The following ZNF671 variants were observed in gnomAD, a reference collection of about 807,000 sequenced individuals.
ZNF671 encodes zinc finger protein 671, also known as hypothetical protein FLJ23506.
ZNF671 carries 19 observed loss-of-function variants against 16.6 expected under a neutral mutation model. That is an observed-to-expected ratio of 1.14 (90% CI 0.80 to 1.68). ZNF671 has a LOEUF of 1.68. ZNF671 is among the 40% of genes most tolerant of loss of function. The pLI, the probability that ZNF671 is intolerant of heterozygous loss-of-function variation, is 0.00. For missense variants in ZNF671, 637 were observed against 659.8 expected (o/e 0.97, Z 0.38); for synonymous variants, 238 against 236.3 (o/e 1.01, Z -0.06).
At chr19:57,723,156 C>T (rs927963018) in intron 2 of ZNF671, 58 bp downstream of exon 2, 18 of 1,538,494 alleles carry the variant, frequency 1.2e-5, no homozygotes, top group East Asian at 2.3e-5. Context: ...AAGCGGTGCT[C>T]ATGATCCCAC....
intron 1 of ZNF671, among the ~76,000 whole-genome samples, chr19:57,723,813 G>A (rs576661166): frequency 1.4e-5 from 2 of 145,142 alleles, no homozygotes; most frequent in South Asian, 2.3e-4. Context: ...GGCAGATCAC[G>A]AGGTCAAGAG....
rs1190874940 is a variant in ZNF671 at position 57,727,397 on chromosome 19, G to A, written c.132C>T (p.Ser44=). The A allele has an allele frequency of 1.2e-6, 2 of 1,600,276 alleles. No homozygotes were observed. The highest frequency in any genetic ancestry group is 1.7e-6 in the Non-Finnish European group (2 of 1,170,400). The change falls in exon 1 of 4, where the codon TCC becomes TCT. Residue 44 remains serine (S), a synonymous_variant. Transcript: ENST00000317398. ...CGGAGGACGCAGCACCCACCCGCGC[G>A]GAGTCCGTTAGCTCCGCCATAGGAC... The part of the protein sequence containing the change: ...AHGPMAELTD[S]ARGCVVFEDV...
intron 1 of ZNF671, among the ~76,000 whole-genome samples, 195 bp from the exon 2 acceptor site, chr19:57,723,535 C>A (rs2122462836): frequency 6.6e-6 from 1 of 152,256 alleles, no homozygotes; most frequent in South Asian, 2.1e-4. Context: ...AACAGACAGG[C>A]TGACAGATAA....
Position 57,720,601 on chromosome 19 carries a change from G to A in ZNF671, c.1485C>T (p.Ile495=). The change falls in exon 4 of 4, where the codon ATC becomes ATT. Residue 495 remains isoleucine, a synonymous_variant. Transcript: ENST00000317398. ...GKAFTQRPNL[I]RHWKVHTGER... is the part of the protein sequence containing the mutation. ...CCCCAGTGTGGACTTTCCAGTGCCT[G>A]ATGAGGTTGGGTCTTTGAGTGAAGG... is the stretch of plus-strand genomic sequence containing the variant. The A allele has an allele frequency of 6.2e-7, 1 of 1,614,082 alleles. No individual in the cohort carries two copies. Among genetic ancestry groups the A allele is most frequent in the Non-Finnish European group, 8.5e-7 (1 of 1,180,012 alleles).
intron 1 of ZNF671, among the ~76,000 whole-genome samples, chr19:57,723,712 C>T (rs1324028798): frequency 6.6e-6 from 1 of 151,986 alleles, no homozygotes; most frequent in Non-Finnish European, 1.5e-5. Context: ...TCCCTCACAT[C>T]TCCAGCTTCC....
chr19:57,723,321 T>C lies in ZNF671; in HGVS notation c.158A>G (p.Asp53Gly), dbSNP rs2122462311. 1.9e-6 allele frequency: 3 copies of C among 1,611,912 alleles called. No individual in the cohort carries two copies. The highest frequency in any genetic ancestry group is 1.7e-4 in the Middle Eastern group (1 of 6,052). The change falls in exon 2 of 4, where the codon GAT (aspartate) becomes GGT (glycine). Residue 53 changes from aspartate to glycine, a missense_variant. Coordinates refer to ENST00000317398, the MANE Select transcript of ZNF671 (RefSeq NM_024833.3). ...TTCCCGAGAGAAGTATACAAACACA[T>C]CCTCAAAGACCACACAGCCCTGCAA... is the stretch of plus-strand genomic sequence containing the variant. The part of the protein sequence containing the change: ...DSARGCVVFE[D>G]VFVYFSREEW...
rs778042189 is a variant in ZNF671 at position 57,720,764 on chromosome 19, T to C, written c.1322A>G (p.Asn441Ser). ...GKAFSQSSHLNVHWRIHSSDY... is the reference protein window; with the variant it reads ...GKAFSQSSHLSVHWRIHSSDY... ...ACTGCTGTGAATTCTCCAGTGTACA[T>C]TAAGGTGGGAGCTTTGGCTAAAGGC... Residue 441 changes from asparagine to serine, a missense_variant, in exon 4 of 4, where the codon AAT (asparagine) becomes AGT (serine). Physicochemically the swap from Asn to Ser is conservative, Grantham distance 46. Transcript: ENST00000317398. 1.2e-6 allele frequency: 2 copies of C among 1,614,210 alleles called. No individual in the cohort carries two copies. Among genetic ancestry groups the C allele is most frequent in the Non-Finnish European group, 1.7e-6 (2 of 1,180,040 alleles).
At chr19:57,725,920 C>T (rs1027594879) in intron 1 of ZNF671, among the ~76,000 whole-genome samples, 32 of 151,360 alleles carry the variant, frequency 2.1e-4, no homozygotes, top group Admixed American at 2.0e-3. Context: ...GGTGACAGAG[C>T]GAGACTCGTC....
intron 1 of ZNF671, chr19:57,727,154 T>C: frequency 2.4e-6 from 1 of 423,066 alleles, no homozygotes; most frequent in Non-Finnish European, 4.1e-6. Flanking sequence ...TCACAGTTCC[T>C]CAAACTCTGC....
chr19:57,725,938 AAAAAATAAATAAATAAAAT>A (rs1395470289), intron 1 of ZNF671, among the ~76,000 whole-genome samples: 5 of 152,134 alleles, frequency 3.3e-5, no homozygotes, highest in Non-Finnish European at 1.5e-5. Flanking sequence ...GTCTCCAAAA[AAAAAATAAATAAATAAAAT>A]AAAACCAAAG....
At chr19:57,723,519 CACA>C (rs1309111262) in intron 1 of ZNF671, among the ~76,000 whole-genome samples, 179 bp from the exon 2 acceptor site, 4 of 152,250 alleles carry the variant, frequency 2.6e-5, no homozygotes, top group East Asian at 1.9e-4. Flanking sequence ...GTCAGCCCAC[CACA>C]ACAACAGACA....
In ZNF671 at chr19:57,720,457, C is replaced by T. The variant is rs1985811330; in HGVS notation, c.*24G>A. On this transcript the variant is annotated 3_prime_UTR_variant, in exon 4 of 4. Transcript: ENST00000317398. ...GTAAGTCAGGGGCATTGGCCTAAGACTTTCCCCCACATTTGCTACACTCTT... is the reference window on the plus strand; with the variant it reads ...GTAAGTCAGGGGCATTGGCCTAAGATTTTCCCCCACATTTGCTACACTCTT... 2 of 1,601,964 alleles carry T rather than the reference C, an allele frequency of 1.2e-6. No homozygotes were observed. The highest frequency in any genetic ancestry group is 1.7e-4 in the Middle Eastern group (1 of 6,030).
chr19:57,727,232 C>T, intron 1 of ZNF671, 159 bp downstream of exon 1: 4 of 1,063,306 alleles, frequency 3.8e-6, no homozygotes, highest in East Asian at 2.9e-5. Flanking sequence ...CCTTTACCTG[C>T]GCCGTCCCCT....
At chr19:57,727,351 G>T (rs1054079483) in intron 1 of ZNF671, 40 bp downstream of exon 1, 1 of 1,569,442 alleles carries the variant, frequency 6.4e-7, no homozygotes. Context: ...TTCGGAGTCG[G>T]AGAAAGGGTG....
At position 57,720,703 on chromosome 19, in the gene ZNF671, G is replaced by A. The variant is rs1985824993; in HGVS notation, c.1383C>T (p.Ser461=). ...GGTGCTGAATGAGTTTGGAGATGCAGCTGAAAGCTTTACCACATCTGCTAC... is the reference window on the plus strand; with the variant it reads ...GGTGCTGAATGAGTTTGGAGATGCAACTGAAAGCTTTACCACATCTGCTAC... The part of the protein sequence containing the change: ...YECSRCGKAF[S]CISKLIQHQK... Residue 461 remains serine (S), a synonymous_variant, in exon 4 of 4, where the codon AGC becomes AGT. Coordinates refer to ENST00000317398, the MANE Select transcript of ZNF671 (RefSeq NM_024833.3). 1 of 1,614,214 alleles carries A rather than the reference G, an allele frequency of 6.2e-7. No individual in the cohort carries two copies. The highest frequency in any genetic ancestry group is 2.2e-5 in the East Asian group (1 of 44,884).
intron 1 of ZNF671, among the ~76,000 whole-genome samples, chr19:57,723,866 TA>T (rs11310575): frequency 0.47 from 59,858 of 126,946 alleles, 14,974 homozygotes; most frequent in African/African-American, 0.72. Context: ...CCGTCTCTAC[TA>T]AAAAAAAAAA....
intron 1 of ZNF671, among the ~76,000 whole-genome samples, chr19:57,726,328 T>A (rs1036426594): frequency 1.2e-4 from 18 of 150,782 alleles, no homozygotes; most frequent in Middle Eastern, 3.4e-3. Context: ...ATAAAAAAAA[T>A]AAATAAACTA....
At chr19:57,722,532 G>A in intron 2 of ZNF671, 94 bp from the exon 3 acceptor site, 1 of 1,561,776 alleles carries the variant, frequency 6.4e-7, no homozygotes, top group South Asian at 1.2e-5. Context: ...CCTGGGAGGA[G>A]TTGTGCAGGA....
In ZNF671 at chr19:57,721,245, C is replaced by T. The variant is rs1985858351; in HGVS notation, c.841G>A (p.Gly281Arg). 1 of 1,595,216 alleles carries T rather than the reference C, an allele frequency of 6.3e-7. No individual in the cohort carries two copies. The highest frequency in any genetic ancestry group is 2.2e-5 in the East Asian group (1 of 44,660). ...TCACCACACCTGTGATACCTCTGTC[C>T]CATGAGAAAGCCACTCACAAGCTTA... Reference protein sequence around the residue: ...STKLVSGFLMGQRYHRCGECG... With the variant: ...STKLVSGFLMRQRYHRCGECG... The change falls in exon 4 of 4, where the codon GGA becomes AGA. Residue 281 changes from glycine to arginine, a missense_variant. Gly to Arg is a moderately radical substitution (Grantham distance 125). Coordinates refer to ENST00000317398, the MANE Select transcript of ZNF671 (RefSeq NM_024833.3).
Sources: gnomAD v4.1 joint callset for allele counts (sites outside exome capture counted in the v4.1 genomes callset) on GRCh38, gnomAD v4.1.1 for gene constraint, MANE v1.5 for transcripts, NCBI Gene and HGNC (gene_info 2026-07-23, HGNC 2026-07-21) for gene names.